The following ROBO2 variants were observed in gnomAD, a reference collection of about 807,000 sequenced individuals.
The protein encoded by ROBO2 is roundabout guidance receptor 2.
A neutral mutation model predicts 160.8 loss-of-function variants in ROBO2; 53 were observed. The ratio of observed to expected loss-of-function variants is 0.33; its 90% CI spans 0.26 to 0.41. ROBO2 has a LOEUF of 0.41. Ranked by LOEUF, ROBO2 falls within the 10% of genes least tolerant of loss-of-function variation. The pLI is 1.00. For synonymous variants in ROBO2, 664 were observed against 611.7 expected (o/e 1.09, Z -1.26); for missense variants, 1,577 against 1,722.4 (o/e 0.92, Z 1.49).
chr3:76,788,044 CT>C (rs936503625), intron 2 of ROBO2, among the ~76,000 whole-genome samples: 32 of 148,444 alleles, frequency 2.2e-4, no homozygotes, highest in African/African-American at 6.6e-4. Flanking sequence ...ACAAACAAGA[CT>C]TTTTTTTTTC....
intron 2 of ROBO2, among the ~76,000 whole-genome samples, chr3:77,308,603 C>T (rs2063293377): frequency 6.6e-6 from 1 of 152,110 alleles, no homozygotes; most frequent in Non-Finnish European, 1.5e-5. Flanking sequence ...CAGTTCTGAA[C>T]ATTCTTGTGG....
intron 2 of ROBO2, among the ~76,000 whole-genome samples, chr3:76,483,144 A>C (rs1253149118): frequency 6.6e-6 from 1 of 152,110 alleles, no homozygotes; most frequent in Non-Finnish European, 1.5e-5. Context: ...TAGGAACTAT[A>C]GTGCTTATAA....
intron 2 of ROBO2, among the ~76,000 whole-genome samples, chr3:77,109,044 G>A (rs2073222578): frequency 6.6e-6 from 1 of 151,822 alleles, no homozygotes; most frequent in African/African-American, 2.4e-5. Flanking sequence ...AGTAGGATGA[G>A]GATTAAGTTG....
At chr3:77,016,889 C>T (rs1489903212) in intron 2 of ROBO2, among the ~76,000 whole-genome samples, 2 of 152,034 alleles carry the variant, frequency 1.3e-5, no homozygotes, top group African/African-American at 2.4e-5. Flanking sequence ...ACGTGAAAGT[C>T]GGAAATACAC....
intron 2 of ROBO2, among the ~76,000 whole-genome samples, chr3:76,531,627 T>TA (rs1209609599): frequency 6.7e-6 from 1 of 150,322 alleles, no homozygotes; most frequent in Non-Finnish European, 1.5e-5. Context: ...TTTCTTTTTT[T>TA]TTTTTTTTTT....
intron 2 of ROBO2, among the ~76,000 whole-genome samples, chr3:76,612,000 T>G (rs2088166611): frequency 6.6e-6 from 1 of 152,220 alleles, no homozygotes; most frequent in Admixed American, 6.5e-5. Context: ...ATTTCCTTCT[T>G]CATTTCTTAT....
At chr3:76,107,961 A>G (rs2070022449) in intron 2 of ROBO2, among the ~76,000 whole-genome samples, 5 of 152,100 alleles carry the variant, frequency 3.3e-5, no homozygotes. Context: ...AGCTGTTTGT[A>G]CTGTTCAGAA....
At chr3:77,192,897 A>G (rs1206180163) in intron 2 of ROBO2, among the ~76,000 whole-genome samples, 7 of 151,792 alleles carry the variant, frequency 4.6e-5, no homozygotes, top group Admixed American at 3.9e-4. Context: ...CAAGTGATCC[A>G]CCTGCCTCAG....
chr3:76,206,840 C>T (rs1277040661), intron 2 of ROBO2, among the ~76,000 whole-genome samples: 2 of 152,166 alleles, frequency 1.3e-5, no homozygotes, highest in Non-Finnish European at 2.9e-5. Flanking sequence ...TCTGTACCCA[C>T]AGCTAGGCAC....
chr3:76,284,744 A>C (rs1708426245), intron 2 of ROBO2, among the ~76,000 whole-genome samples: 1 of 152,062 alleles, frequency 6.6e-6, no homozygotes, highest in South Asian at 2.1e-4. Context: ...TGGATGTTTG[A>C]TTCTTCATTT....
At chr3:76,293,376 A>G (rs767501263) in intron 2 of ROBO2, among the ~76,000 whole-genome samples, 5 of 152,326 alleles carry the variant, frequency 3.3e-5, no homozygotes, top group Non-Finnish European at 7.3e-5. Flanking sequence ...CTTGCTAGGC[A>G]GCAATGACAC....
intron 2 of ROBO2, among the ~76,000 whole-genome samples, chr3:76,645,381 T>A (rs912282644): frequency 2.6e-5 from 4 of 152,180 alleles, no homozygotes; most frequent in Non-Finnish European, 5.9e-5. Flanking sequence ...GAACTTAAGT[T>A]CTTAGGCCCA....
At chr3:76,681,647 T>C (rs1482923781) in intron 2 of ROBO2, among the ~76,000 whole-genome samples, 1 of 152,052 alleles carries the variant, frequency 6.6e-6, no homozygotes, top group Non-Finnish European at 1.5e-5. Flanking sequence ...AGGAGAGAAA[T>C]TGACTTGTGC....
chr3:77,632,833 G>A, intron 23 of ROBO2: 1 of 457,890 alleles, frequency 2.2e-6, no homozygotes, highest in Non-Finnish European at 3.8e-6. Flanking sequence ...GTTTTGCAGA[G>A]CCAAGAATAG....
chr3:76,188,448 A>T (rs1229489291), intron 2 of ROBO2, among the ~76,000 whole-genome samples: 5 of 152,058 alleles, frequency 3.3e-5, no homozygotes, highest in African/African-American at 1.2e-4. Context: ...AATAACAAGG[A>T]TTGCCTGCAA....
chr3:77,066,426 A>G (rs997609175), intron 1 of ROBO2, among the ~76,000 whole-genome samples: 1 of 151,670 alleles, frequency 6.6e-6, no homozygotes, highest in Non-Finnish European at 1.5e-5. Flanking sequence ...TTCAAAGTCA[A>G]CTCTTTGTTC....
chr3:76,290,763 C>T (rs529080910), intron 2 of ROBO2, among the ~76,000 whole-genome samples: 18 of 151,980 alleles, frequency 1.2e-4, no homozygotes, highest in African/African-American at 4.1e-4. Flanking sequence ...GACTTTTCTG[C>T]GTTTATTGAG....
intron 2 of ROBO2, among the ~76,000 whole-genome samples, chr3:76,451,384 A>T (rs2077467295): frequency 6.6e-6 from 1 of 152,166 alleles, no homozygotes; most frequent in African/African-American, 2.4e-5. Flanking sequence ...GACAAGTTGG[A>T]TAATGTATTT....
chr3:76,448,579 A>G (rs1036465104), intron 2 of ROBO2, among the ~76,000 whole-genome samples: 6 of 152,186 alleles, frequency 3.9e-5, no homozygotes, highest in African/African-American at 1.4e-4. Flanking sequence ...TATGAGCTCT[A>G]TAACTGTTAC....
Sources: gnomAD v4.1 joint callset for allele counts (sites outside exome capture counted in the v4.1 genomes callset) on GRCh38, gnomAD v4.1.1 for gene constraint, MANE v1.5 for transcripts, NCBI Gene and HGNC (gene_info 2026-07-23, HGNC 2026-07-21) for gene names.